The following WDR37 variants were observed in gnomAD, a reference collection of about 807,000 sequenced individuals.
WDR37 encodes the protein WD repeat domain 37.
A neutral mutation model predicts 62.9 loss-of-function variants in WDR37; 19 were observed. That is an observed-to-expected ratio of 0.30 (90% CI 0.21 to 0.44). The LOEUF (loss-of-function observed/expected upper bound fraction) is 0.44, where lower values mean the gene tolerates loss of function less well. Among genes scored for constraint, WDR37 ranks in the 20% least tolerant of loss-of-function variants. WDR37 has a pLI of 1.00. For missense variants in WDR37, 474 were observed against 657.6 expected (o/e 0.72, Z 3.05); for synonymous variants, 250 against 260.9 (o/e 0.96, Z 0.40).
intron 6 of WDR37, among the ~76,000 whole-genome samples, chr10:1,085,131 A>AT (rs397944300): frequency 0.097 from 13,907 of 143,282 alleles, 1,290 homozygotes; most frequent in African/African-American, 0.26. Flanking sequence ...CGCCTGGCTA[A>AT]TTTTTTTTTT....
Position 1,131,911 on chromosome 10 carries a change from C to T in WDR37, c.*2567C>T, listed in dbSNP as rs141755050. 104 of 152,732 alleles carry T rather than the reference C, an allele frequency of 6.8e-4. No homozygotes were observed. The highest frequency in any genetic ancestry group is 2.3e-3 in the African/African-American group (96 of 41,562). The allele number at this position is 152,732 out of a possible 1,614,324, so 9.5% of individuals were successfully genotyped here. A position where few individuals can be genotyped will look rare whatever the true frequency, so the allele number is the denominator to read the frequency against. On this transcript the variant is annotated 3_prime_UTR_variant, in exon 14 of 14. Transcript: ENST00000263150. ...AGAGCCATGCTGTTGGGCAAAGCAA[C>T]TCTTTTTCAACCACTGCTCATCAGT...
Position 1,103,861 on chromosome 10 carries a change from G to A in WDR37, c.961+25G>A, listed in dbSNP as rs1012047405. On this transcript the variant is annotated intron_variant, in intron 10 of 13. Coordinates refer to ENST00000263150, the MANE Select transcript of WDR37 (RefSeq NM_014023.4). The surrounding 1 kb of genome is among the most constrained non-coding windows in gnomAD (Gnocchi z 6.3). The stretch of plus-strand genomic sequence containing the variant: ...GGTGCCTGGGTTCTCTGAGTCCGCC[G>A]CCTCCTGGCTGTGCATGTTAGTTTA... 4.2e-5 allele frequency: 67 copies of A among 1,609,232 alleles called. No individual in the cohort carries two copies. The highest frequency in any genetic ancestry group is 5.0e-5 in the Non-Finnish European group (59 of 1,176,720).
chr10:1,125,924 G>T (rs549512158), intron 13 of WDR37, among the ~76,000 whole-genome samples: 1 of 152,234 alleles, frequency 6.6e-6, no homozygotes, highest in Non-Finnish European at 1.5e-5. Context: ...TGCCTGGAAG[G>T]CGCAAAGAGA....
At chr10:1,124,411 G>A in intron 12 of WDR37, 59 bp downstream of exon 12, 1 of 1,604,204 alleles carries the variant, frequency 6.2e-7, no homozygotes, top group Non-Finnish European at 8.5e-7. Flanking sequence ...GATTGATTGT[G>A]ATTTCATGTT....
intron 11 of WDR37, among the ~76,000 whole-genome samples, chr10:1,118,837 C>T (rs1222226791): frequency 2.0e-5 from 3 of 152,196 alleles, no homozygotes; most frequent in Non-Finnish European, 4.4e-5. Context: ...GCAGCCTGGG[C>T]GTTACTGTTT....
chr10:1,085,099 G>C (rs1564501857), intron 6 of WDR37, among the ~76,000 whole-genome samples: 1 of 151,934 alleles, frequency 6.6e-6, no homozygotes, highest in Admixed American at 6.6e-5. Context: ...CCAGTAGCTG[G>C]GACTACAGGC....
At chr10:1,079,768 ACCTG>A (rs1391269119) in intron 3 of WDR37, among the ~76,000 whole-genome samples, 1 of 151,866 alleles carries the variant, frequency 6.6e-6, no homozygotes, top group Non-Finnish European at 1.5e-5. Context: ...CTCGTGATCC[ACCTG>A]CCTTGGCCTC....
At chr10:1,125,380 C>T (rs918336286) in intron 13 of WDR37, among the ~76,000 whole-genome samples, 4 of 152,262 alleles carry the variant, frequency 2.6e-5, no homozygotes, top group East Asian at 1.9e-4. Flanking sequence ...TGCGCCACCA[C>T]GCCTGGCTAA....
At chr10:1,084,735 G>A (rs1008508166) in intron 6 of WDR37, among the ~76,000 whole-genome samples, 197 bp downstream of exon 6, 1 of 152,200 alleles carries the variant, frequency 6.6e-6, no homozygotes, top group Non-Finnish European at 1.5e-5. Context: ...TGGTCTTGTG[G>A]GAGGGTGTGC....
intron 13 of WDR37, 90 bp from the exon 14 acceptor site, chr10:1,129,121 CTT>C: frequency 6.5e-7 from 1 of 1,548,328 alleles, no homozygotes; most frequent in African/African-American, 1.4e-5. Context: ...AACTTACGTA[CTT>C]TGAGTGATGT....
intron 11 of WDR37, among the ~76,000 whole-genome samples, chr10:1,118,143 C>T (rs113159899): frequency 7.7e-4 from 1 of 1,306 alleles, no homozygotes. Context: ...ACATCTGAGC[C>T]GCGTGCACTC....
chr10:1,107,639 T>C (rs953559862), intron 11 of WDR37, among the ~76,000 whole-genome samples: 3 of 149,660 alleles, frequency 2.0e-5, no homozygotes, highest in African/African-American at 4.9e-5. Context: ...TCTTTACACA[T>C]GTGTACACAC....
intron 7 of WDR37, among the ~76,000 whole-genome samples, chr10:1,092,390 G>A (rs1461200801): frequency 6.0e-5 from 9 of 150,288 alleles, no homozygotes; most frequent in East Asian, 2.0e-4. Flanking sequence ...TTTTTGAGAC[G>A]GAATCTCGCT....
intron 5 of WDR37, among the ~76,000 whole-genome samples, chr10:1,082,960 CT>C (rs1385784965): frequency 6.6e-6 from 1 of 152,114 alleles, no homozygotes; most frequent in Non-Finnish European, 1.5e-5. Context: ...AATACTGTTA[CT>C]TATGTTAGAA....
intron 5 of WDR37, among the ~76,000 whole-genome samples, chr10:1,083,384 A>G (rs948194923): frequency 2.0e-5 from 3 of 152,190 alleles, no homozygotes; most frequent in African/African-American, 7.2e-5. Flanking sequence ...TGCGGACCCA[A>G]ATCCATGTGA....
At chr10:1,057,122 G>T (rs1300372089) in intron 1 of WDR37, among the ~76,000 whole-genome samples, 154 bp downstream of exon 1, 1 of 152,112 alleles carries the variant, frequency 6.6e-6, no homozygotes, top group East Asian at 1.9e-4. Flanking sequence ...CAGAGGGTCC[G>T]TGGTGGTGCA....
chr10:1,106,914 G>A (rs545758373), intron 11 of WDR37, among the ~76,000 whole-genome samples: 1 of 152,354 alleles, frequency 6.6e-6, no homozygotes, highest in Non-Finnish European at 1.5e-5. Context: ...CATGCGTAGA[G>A]ATCTTTATGG....
intron 11 of WDR37, among the ~76,000 whole-genome samples, chr10:1,109,885 C>T (rs1436453424): frequency 6.6e-6 from 1 of 152,124 alleles, no homozygotes; most frequent in Non-Finnish European, 1.5e-5. Context: ...TTTATGTCTT[C>T]CTATTGGAAT....
At chr10:1,108,485 T>C (rs904554762) in intron 11 of WDR37, among the ~76,000 whole-genome samples, 4 of 152,214 alleles carry the variant, frequency 2.6e-5, no homozygotes, top group African/African-American at 7.2e-5. Context: ...CAGGTCTGCC[T>C]GCCAGAGGTG....
Sources: allele counts gnomAD v4.1 joint callset (sites outside exome capture counted in the v4.1 genomes callset), GRCh38; gene constraint gnomAD v4.1.1; non-coding constraint Gnocchi (gnomAD v3.1); transcripts MANE v1.5; gene names NCBI Gene and HGNC (gene_info 2026-07-23, HGNC 2026-07-21).